HIF1A: variants seen among roughly 807,000 people sequenced by gnomAD.
HIF1A encodes the protein hypoxia inducible factor 1 subunit alpha, also known as hypoxia-inducible factor 1-alpha.
In HIF1A, 24 loss-of-function variants were observed where a neutral mutation model predicts 92.7. The ratio of observed to expected loss-of-function variants is 0.26; its 90% CI spans 0.19 to 0.36. The LOEUF (loss-of-function observed/expected upper bound fraction) is 0.36. Among genes scored for constraint, HIF1A ranks in the 10% least tolerant of loss-of-function variants. HIF1A has a pLI of 1.00. For missense variants in HIF1A, 799 were observed against 998.5 expected, an observed-to-expected ratio of 0.80 and a Z score of 2.69; for synonymous variants, 319 against 338.7, an observed-to-expected ratio of 0.94 and a Z score of 0.64.
intron 1 of HIF1A, among the ~76,000 whole-genome samples, chr14:61,706,431 T>C (rs2140122313): frequency 6.6e-6 from 1 of 152,324 alleles, no homozygotes; most frequent in Non-Finnish European, 1.5e-5. Flanking sequence ...CTTGCTGGCT[T>C]ATTGACTTTT....
intron 1 of HIF1A, chr14:61,698,017 T>G: frequency 1.1e-6 from 1 of 869,900 alleles, no homozygotes; most frequent in South Asian, 2.2e-5. Flanking sequence ...TTATAGGGGC[T>G]GAACTTATTT....
At chr14:61,703,710 A>T (rs149561592) in intron 1 of HIF1A, among the ~76,000 whole-genome samples, 9 of 152,064 alleles carry the variant, frequency 5.9e-5, no homozygotes, top group Non-Finnish European at 1.0e-4. Context: ...CTACTTGGCC[A>T]TGTGAATGGA....
intron 7 of HIF1A, among the ~76,000 whole-genome samples, chr14:61,733,460 A>AT (rs2044600075): frequency 6.6e-6 from 1 of 152,230 alleles, no homozygotes; most frequent in Admixed American, 6.5e-5. Context: ...GAATGTTAAG[A>AT]TCCCCAAGAT....
At chr14:61,731,134 A>G (rs2044570540) in intron 6 of HIF1A, among the ~76,000 whole-genome samples, 1 of 151,836 alleles carries the variant, frequency 6.6e-6, no homozygotes, top group Admixed American at 6.6e-5. Flanking sequence ...TTTATAGAAT[A>G]TCTTGCCTAT....
chr14:61,747,046 G>C lies in HIF1A; in HGVS notation c.2442G>C (p.Gln814His). The C allele has an allele frequency of 3.1e-6, 5 of 1,613,232 alleles. No individual in the cohort carries two copies. The highest frequency in any genetic ancestry group is 4.2e-6 in the Non-Finnish European group (5 of 1,179,712). Residue 814 changes from glutamine (Q) to histidine (H), a missense_variant, in exon 15 of 15, where the codon CAG becomes CAC. Gln to His is a conservative substitution (Grantham distance 24, BLOSUM62 0). Coordinates refer to ENST00000337138, the MANE Select transcript of HIF1A (RefSeq NM_001530.4). ...APIQGSRNLL[Q>H]GEELLRALDQ... ...TACAAGGCAGCAGAAACCTACTGCA[G>C]GGTGAAGAATTACTCAGAGCTTTGG...
chr14:61,707,216 C>T (rs968000458), intron 1 of HIF1A, among the ~76,000 whole-genome samples: 1 of 152,162 alleles, frequency 6.6e-6, no homozygotes, highest in African/African-American at 2.4e-5. Flanking sequence ...CTAGTTGGTG[C>T]ATTACTAACT....
At chr14:61,697,994 ATGT>A (rs1594853145) in intron 1 of HIF1A, 1 of 1,216,674 alleles carries the variant, frequency 8.2e-7, no homozygotes, top group East Asian at 2.8e-5. Context: ...AGGACATTTC[ATGT>A]TGTTCCTAGT....
At chr14:61,731,345 T>G (rs1275581541) in intron 6 of HIF1A, among the ~76,000 whole-genome samples, 1 of 152,218 alleles carries the variant, frequency 6.6e-6, no homozygotes, top group Non-Finnish European at 1.5e-5. Context: ...CTCTTCCTCA[T>G]GTCATGGTTG....
At position 61,745,683 on chromosome 14, in the gene HIF1A, G is replaced by T; in HGVS notation, c.2203-8G>T. On this transcript the variant is annotated splice_region_variant and splice_polypyrimidine_tract_variant and intron_variant, in intron 13 of 14. Coordinates refer to ENST00000337138, the MANE Select transcript of HIF1A (RefSeq NM_001530.4). ...AAACTAAACTTGAAATAACTTTACT[G>T]TTTATAGGGAACATTATTACAGCAG... The T allele has an allele frequency of 4.3e-6, 7 of 1,611,116 alleles. No homozygotes were observed. The highest frequency in any genetic ancestry group is 5.9e-6 in the Non-Finnish European group (7 of 1,178,470).
Position 61,736,901 on chromosome 14 carries a change from G to A in HIF1A, c.1041G>A (p.Gln347=). The A allele has an allele frequency of 6.2e-7, 1 of 1,612,100 alleles. No individual in the cohort carries two copies. Among genetic ancestry groups the A allele is most frequent in the Middle Eastern group, 1.7e-4 (1 of 5,994 alleles). Residue 347 remains glutamine (Q), a synonymous_variant, in exon 9 of 15, where the codon CAG becomes CAA. Coordinates refer to ENST00000337138, the MANE Select transcript of HIF1A (RefSeq NM_001530.4). The part of the protein sequence containing the change: ...CVNYVVSGII[Q]HDLIFSLQQT... ...CTTGTTTTGACAGTGGTATTATTCAGCACGACTTGATTTTCTCCCTTCAAC... is the reference window on the plus strand; with the variant it reads ...CTTGTTTTGACAGTGGTATTATTCAACACGACTTGATTTTCTCCCTTCAAC...
chr14:61,712,022 A>G (rs1197754612), intron 1 of HIF1A, among the ~76,000 whole-genome samples: 1 of 152,194 alleles, frequency 6.6e-6, no homozygotes, highest in Non-Finnish European at 1.5e-5. Context: ...CTCCGCCTCT[A>G]TGGAACTTAC....
chr14:61,740,535 G>A lies in HIF1A; in HGVS notation c.1567G>A (p.Val523Met). The change falls in exon 11 of 15, where the codon GTG becomes ATG. Residue 523 changes from valine (V) to methionine (M), a missense_variant. Around this residue, in one of 2 missense-constraint regions of HIF1A, gnomAD observed 516 missense variants for 721.0 expected, o/e 0.72. Coordinates refer to ENST00000337138, the MANE Select transcript of HIF1A (RefSeq NM_001530.4). ...TAGTCCCAGTGAATATTGTTTTTATGTGGATAGTGATATGGTCAATGAATT... is the reference window on the plus strand; with the variant it reads ...TAGTCCCAGTGAATATTGTTTTTATATGGATAGTGATATGGTCAATGAATT... ...PNSPSEYCFY[V>M]DSDMVNEFKL... 6.3e-7 allele frequency: 1 copy of A among 1,593,572 alleles called. No homozygotes were observed. Among genetic ancestry groups the A allele is most frequent in the Non-Finnish European group, 8.6e-7 (1 of 1,166,620 alleles).
At chr14:61,713,106 T>G (rs552002775) in intron 1 of HIF1A, among the ~76,000 whole-genome samples, 1 of 152,134 alleles carries the variant, frequency 6.6e-6, no homozygotes, top group Admixed American at 6.5e-5. Flanking sequence ...ATGGTGCTTT[T>G]GAGTAACTGC....
At chr14:61,705,484 A>G (rs1461216752) in intron 1 of HIF1A, among the ~76,000 whole-genome samples, 1 of 152,160 alleles carries the variant, frequency 6.6e-6, no homozygotes, top group Non-Finnish European at 1.5e-5. Flanking sequence ...TAAATTACCA[A>G]ATCCGCCTTT....
At chr14:61,697,557 C>A in intron 1 of HIF1A, 2 of 344,274 alleles carry the variant, frequency 5.8e-6, no homozygotes, top group Admixed American at 5.9e-5. Context: ...TACTGTTCAT[C>A]AGCCCCAATT....
At position 61,720,311 on chromosome 14, in the gene HIF1A, T is replaced by C. The variant is rs571201786; in HGVS notation, c.36-71T>C. ...TCTGTGATAAGCAGAAATGTAAAGT[T>C]TTATTCAAGTTAAGGCAAACTAACT... is the stretch of plus-strand genomic sequence containing the variant. On this transcript the variant is annotated intron_variant, in intron 1 of 14. Coordinates refer to ENST00000337138, the MANE Select transcript of HIF1A (RefSeq NM_001530.4). 2.7e-4 allele frequency: 293 copies of C among 1,103,256 alleles called. 1 individual carries two copies. The South Asian group carries it at 4.4e-3, about 17-fold the overall frequency. 68.3% of individuals were successfully genotyped at this position (1,103,256 alleles called of 1,614,324 possible). A position where few individuals can be genotyped will look rare whatever the true frequency, so the allele number is the denominator to read the frequency against.
rs372195818 is a variant in HIF1A, at chr14:61,721,734, T to C, written c.373-5T>C. On this transcript the variant is annotated splice_region_variant and splice_polypyrimidine_tract_variant and intron_variant, in intron 3 of 14. Coordinates refer to ENST00000337138, the MANE Select transcript of HIF1A (RefSeq NM_001530.4). ...TAGCCCTAATTTTTAAAAATGTGTT[T>C]ACAGTTTGAACTAACTGGACACAGT... is the stretch of plus-strand genomic sequence containing the variant. 21 of 1,612,828 alleles carry C rather than the reference T, an allele frequency of 1.3e-5. No homozygotes were observed. Among genetic ancestry groups the C allele is most frequent in the Non-Finnish European group, 1.8e-5 (21 of 1,179,170 alleles).
rs2140156757 is a variant in HIF1A, at chr14:61,740,927, C to G, written c.1832C>G (p.Thr611Ser). Reference protein sequence around the residue: ...VFQQTQIQEPTANATTTTATT... With the variant: ...VFQQTQIQEPSANATTTTATT... ...CAGCAGACTCAAATACAAGAACCTACTGCTAATGCCACCACTACCACTGCC... is the reference window on the plus strand; with the variant it reads ...CAGCAGACTCAAATACAAGAACCTAGTGCTAATGCCACCACTACCACTGCC... The change falls in exon 12 of 15, where the codon ACT (threonine) becomes AGT (serine). Residue 611 changes from threonine (T) to serine (S), a missense_variant. Physicochemically the swap from Thr to Ser is moderately conservative, Grantham distance 58. Coordinates refer to ENST00000337138, the MANE Select transcript of HIF1A (RefSeq NM_001530.4). 6.2e-7 allele frequency: 1 copy of G among 1,614,184 alleles called. No homozygotes were observed. The highest frequency in any genetic ancestry group is 2.2e-5 in the East Asian group (1 of 44,884).
chr14:61,741,991 A>G (rs974359672), intron 12 of HIF1A, among the ~76,000 whole-genome samples: 17 of 152,288 alleles, frequency 1.1e-4, no homozygotes, highest in African/African-American at 4.1e-4. Context: ...AAATTTTATT[A>G]TAGTTAACTT....
Sources: allele counts gnomAD v4.1 joint callset (sites outside exome capture counted in the v4.1 genomes callset), GRCh38; gene constraint gnomAD v4.1.1; regional missense constraint gnomAD v4.1.1; transcripts MANE v1.5; gene names NCBI Gene and HGNC (gene_info 2026-07-23, HGNC 2026-07-21).